The following OFD1 variants were observed in gnomAD, a reference collection of about 807,000 sequenced individuals.
OFD1 encodes the protein centriole and centriolar satellite protein OFD1.
OFD1 carries 12 observed loss-of-function variants against 81.4 expected under a neutral mutation model. The ratio of observed to expected loss-of-function variants is 0.15; its 90% CI spans 0.09 to 0.24. The LOEUF is 0.24. Among genes scored for constraint, OFD1 ranks in the 10% least tolerant of loss-of-function variants. The probability of loss-of-function intolerance (pLI) is 1.00; values close to 1 mark genes in which losing one functional copy is unlikely to be tolerated. For synonymous variants in OFD1, 256 were observed against 263.7 expected (o/e 0.97, Z 0.28); for missense variants, 685 against 733.9 (o/e 0.93, Z 0.77).
chrX:13,767,932 A>G, intron 20 of OFD1, 122 bp from the exon 21 acceptor site: 2 of 661,375 alleles, frequency 3.0e-6, no homozygotes, highest in Non-Finnish European at 4.6e-6. Context: ...AATTTTAAAA[A>G]TTAGTCCTCT....
intron 5 of OFD1, among the ~76,000 whole-genome samples, chrX:13,743,589 A>G (rs954274474): frequency 8.9e-6 from 1 of 112,519 alleles, no homozygotes; most frequent in Admixed American, 9.4e-5. Flanking sequence ...TCCCTTGCCA[A>G]CACTTAGCAT....
At chrX:13,759,139 G>T (rs2047828238) in intron 15 of OFD1, among the ~76,000 whole-genome samples, 2 of 111,980 alleles carry the variant, frequency 1.8e-5, no homozygotes, top group South Asian at 7.4e-4. Context: ...TTATTCTTCA[G>T]TTGCTTTCAA....
At position 13,758,396 on chromosome X, in the gene OFD1, T is replaced by G. The variant is rs1418935987; in HGVS notation, c.1602T>G (p.Ser534Arg). The G allele has an allele frequency of 8.3e-7, 1 of 1,207,958 alleles. No homozygotes were observed. The highest frequency in any genetic ancestry group is 1.8e-5 in the South Asian group (1 of 56,858). ...QILGYKASVK[S>R]LTTQVADLKL... ...TAGGTTACAAAGCTTCTGTAAAGAG[T>G]TTAACTACTCAGGTTGCCGATTTAA... The change falls in exon 15 of 23, where the codon AGT becomes AGG. Residue 534 changes from serine to arginine, a missense_variant. Ser to Arg is a moderately radical substitution (Grantham distance 110). Transcript: ENST00000340096.
intron 5 of OFD1, 192 bp downstream of exon 5, chrX:13,739,224 C>T (rs1029404144): frequency 7.7e-6 from 3 of 390,469 alleles, no homozygotes; most frequent in African/African-American, 5.6e-5. Flanking sequence ...AAACTGTAGA[C>T]AGTATCAAAG....
At chrX:13,756,862 G>T (rs1409602294) in intron 13 of OFD1, 95 bp downstream of exon 13, 1 of 662,915 alleles carries the variant, frequency 1.5e-6, no homozygotes, top group African/African-American at 2.2e-5. Flanking sequence ...TAAGGTAGGG[G>T]GCTTACATTG....
chrX:13,716,375 T>C, the OFD1 span: 7 of 664,911 alleles, frequency 1.1e-5, no homozygotes, highest in East Asian at 7.1e-5. Flanking sequence ...AAAATGTTTT[T>C]CCCCCCTAAA....
At chrX:13,754,084 C>T (rs1442206467) in intron 11 of OFD1, among the ~76,000 whole-genome samples, 1 of 110,293 alleles carries the variant, frequency 9.1e-6, no homozygotes, top group African/African-American at 3.3e-5. Flanking sequence ...CAGGTTCACG[C>T]CATTCTTCCA....
At chrX:13,715,886 G>T in the OFD1 span, 1 of 1,045,086 alleles carries the variant, frequency 9.6e-7, no homozygotes. Flanking sequence ...GTTCTGATGG[G>T]GGAAAGCTAG....
the OFD1 span, among the ~76,000 whole-genome samples, chrX:13,723,762 T>C: frequency 0.014 from 1,572 of 110,498 alleles, 31 homozygotes; most frequent in African/African-American, 0.048. Flanking sequence ...GAATCTAGGA[T>C]GGTTTCCATA....
chrX:13,773,309 G>A, downstream of OFD1: 1 of 164,177 alleles, frequency 6.1e-6, no homozygotes, highest in Non-Finnish European at 1.0e-5. Context: ...ACGAGAGGGT[G>A]CTTTTTTTTT....
At position 13,763,626 on chromosome X, in the gene OFD1, C is replaced by T. The variant is rs780711560; in HGVS notation, c.2489-119C>T. On this transcript the variant is annotated intron_variant, in intron 18 of 22. Coordinates refer to ENST00000340096, the MANE Select transcript of OFD1 (RefSeq NM_003611.3). ...TTCATAGAATCCTGTTAGGAAAGGGCGCACCCAGTTACTTTGGCTTCAGTT... is the reference window on the plus strand; with the variant it reads ...TTCATAGAATCCTGTTAGGAAAGGGTGCACCCAGTTACTTTGGCTTCAGTT... 16 of 545,995 alleles carry T rather than the reference C, an allele frequency of 2.9e-5. No homozygotes were observed. The East Asian group carries it at 3.0e-4, about 10-fold the overall frequency. The allele number at this position is 545,995 out of a possible 1,213,427, so 45.0% of individuals were successfully genotyped here.
At chrX:13,757,633 ATTT>A (rs36052228) in intron 13 of OFD1, 24 bp from the exon 14 acceptor site, 375 of 1,102,968 alleles carry the variant, frequency 3.4e-4, no homozygotes, top group Admixed American at 1.9e-3. Flanking sequence ...AATGACTAGG[ATTT>A]TTTTTTTTTT....
rs1162315272 is a variant in OFD1, at chrX:13,735,452, T to C, written c.111+106T>C. The C allele has an allele frequency of 1.7e-5, 10 of 588,869 alleles. No homozygotes were observed. In the Admixed American group the frequency reaches 2.2e-4, roughly 13 times the overall value. The allele number at this position is 588,869 out of a possible 1,213,427, so 48.5% of individuals were successfully genotyped here. A position where few individuals can be genotyped will look rare whatever the true frequency, so the allele number is the denominator to read the frequency against. The stretch of plus-strand genomic sequence containing the variant: ...TTTTAATAATCGTATGATACATAGA[T>C]TGTATTGGTGAATTACATTTTTATA... On this transcript the variant is annotated intron_variant, in intron 2 of 22. Coordinates refer to ENST00000340096, the MANE Select transcript of OFD1 (RefSeq NM_003611.3).
Position 13,734,898 on chromosome X carries a change from G to A in OFD1, c.-174G>A. 3 of 1,089,901 alleles carry A rather than the reference G, an allele frequency of 2.8e-6. No homozygotes were observed. In the South Asian group the frequency reaches 6.9e-5, roughly 25 times the overall value. The allele number at this position is 1,089,901 out of a possible 1,213,427, so 89.8% of individuals were successfully genotyped here. A position where few individuals can be genotyped will look rare whatever the true frequency, so the allele number is the denominator to read the frequency against. The stretch of plus-strand genomic sequence containing the variant: ...CGCGTGTTTGCTAGAAAACCTAGTT[G>A]GGAGTGCGAGGCAGAGAACGTTCAG... On this transcript the variant is annotated 5_prime_UTR_variant, in exon 1 of 23. Coordinates refer to ENST00000340096, the MANE Select transcript of OFD1 (RefSeq NM_003611.3).
At chrX:13,757,960 C>T (rs1406802695) in intron 14 of OFD1, among the ~76,000 whole-genome samples, 170 bp downstream of exon 14, 1 of 112,008 alleles carries the variant, frequency 8.9e-6, no homozygotes, top group African/African-American at 3.2e-5. Flanking sequence ...GCAGTGATAA[C>T]GTGACTTTAT....
rs745396689 is a variant in OFD1, at chrX:13,760,403, C to T, written c.1943C>T (p.Ala648Val). Residue 648 changes from alanine to valine, a missense_variant, in exon 16 of 23, where the codon GCT (alanine) becomes GTT (valine). By Grantham distance (64) the Ala-to-Val change is moderately conservative. Around this residue, in one of 3 missense-constraint regions of OFD1, gnomAD observed 12 missense variants for 32.4 expected, o/e 0.37. Coordinates refer to ENST00000340096, the MANE Select transcript of OFD1 (RefSeq NM_003611.3). ...CAAGAGGCCGAACGCTTGGAAAAGGCTTTCAGAAGTTACCATCGGAGAGTC... is the reference window on the plus strand; with the variant it reads ...CAAGAGGCCGAACGCTTGGAAAAGGTTTTCAGAAGTTACCATCGGAGAGTC... ...LQQEAERLEK[A>V]FRSYHRRVIK... 1 of 1,206,304 alleles carries T rather than the reference C, an allele frequency of 8.3e-7. No homozygotes were observed.
intron 2 of OFD1, chrX:13,736,107 G>A: frequency 1.8e-5 from 15 of 830,042 alleles, no homozygotes; most frequent in African/African-American, 2.2e-5. Flanking sequence ...TTCTCCAACA[G>A]TCCACAGAGG....
At chrX:13,763,892 G>A (rs374970868) in intron 19 of OFD1, 37 bp downstream of exon 19, 39 of 1,003,213 alleles carry the variant, frequency 3.9e-5, no homozygotes, top group African/African-American at 3.0e-4. Flanking sequence ...CAGCAGGGTC[G>A]CATACTAAAT....
At chrX:13,767,351 C>T (rs2048168762) in intron 20 of OFD1, 67 bp downstream of exon 20, 2 of 1,104,096 alleles carry the variant, frequency 1.8e-6, no homozygotes, top group East Asian at 3.0e-5. Flanking sequence ...GTACATTGAG[C>T]TCAGGGAGGG....
Sources: allele counts gnomAD v4.1 joint callset (sites outside exome capture counted in the v4.1 genomes callset), GRCh38; gene constraint gnomAD v4.1.1; regional missense constraint gnomAD v4.1.1; transcripts MANE v1.5; gene names NCBI Gene and HGNC (gene_info 2026-07-23, HGNC 2026-07-21).